The following GRID1 variants were observed in gnomAD, a reference collection of about 807,000 sequenced individuals.
The protein encoded by GRID1 is glutamate receptor ionotropic, delta-1.
Under a neutral mutation model 98.0 loss-of-function variants are expected in GRID1, and 28 were observed. That is an observed-to-expected ratio of 0.29 (90% confidence interval 0.21 to 0.39). The LOEUF is 0.39. Ranked by LOEUF, GRID1 falls within the 10% of genes least tolerant of loss-of-function variation. The pLI is 1.00. For missense variants in GRID1, 1,111 were observed against 1,340.5 expected (o/e 0.83, Z 2.67); for synonymous variants, 553 against 538.5 (o/e 1.03, Z -0.37).
chr10:86,276,805 C>T (rs1847277644), intron 2 of GRID1, among the ~76,000 whole-genome samples: 1 of 152,024 alleles, frequency 6.6e-6, no homozygotes, highest in Non-Finnish European at 1.5e-5. Context: ...TAAGATTCGA[C>T]ATCCAATTTG....
intron 15 of GRID1, among the ~76,000 whole-genome samples, chr10:85,610,816 T>C (rs1416075448): frequency 6.6e-6 from 1 of 152,196 alleles, no homozygotes. Flanking sequence ...ATTTGAAATT[T>C]GGAAACCCAT....
intron 4 of GRID1, among the ~76,000 whole-genome samples, chr10:85,919,674 G>A (rs1841674049): frequency 1.3e-5 from 2 of 152,214 alleles, no homozygotes; most frequent in African/African-American, 4.8e-5. Flanking sequence ...AACTGCAGCA[G>A]GTGGAGGCAA....
chr10:85,901,339 T>C (rs1482782627), intron 5 of GRID1, among the ~76,000 whole-genome samples: 1 of 152,060 alleles, frequency 6.6e-6, no homozygotes. Flanking sequence ...CTCTGCCTCA[T>C]GGGTTCACGC....
chr10:85,839,440 C>T (rs1487154565), intron 8 of GRID1, among the ~76,000 whole-genome samples: 1 of 152,204 alleles, frequency 6.6e-6, no homozygotes, highest in Non-Finnish European at 1.5e-5. Context: ...AACAGTCTCT[C>T]ATACCACAGT....
intron 2 of GRID1, among the ~76,000 whole-genome samples, chr10:86,232,981 T>C (rs1846480033): frequency 2.0e-5 from 3 of 152,176 alleles, no homozygotes; most frequent in Admixed American, 2.0e-4. Context: ...AATGCTTGGC[T>C]CTGATAAATA....
intron 4 of GRID1, among the ~76,000 whole-genome samples, chr10:86,078,360 A>G (rs1235668655): frequency 6.6e-6 from 1 of 152,170 alleles, no homozygotes; most frequent in Non-Finnish European, 1.5e-5. Context: ...TTTATTGCAA[A>G]GTGTGAAATC....
intron 4 of GRID1, among the ~76,000 whole-genome samples, chr10:86,109,151 C>T (rs1844438987): frequency 6.6e-6 from 1 of 152,214 alleles, no homozygotes; most frequent in Non-Finnish European, 1.5e-5. Context: ...TATGTATCTG[C>T]TCTCCTGTTT....
At chr10:86,216,791 G>A (rs1435531174) in intron 2 of GRID1, among the ~76,000 whole-genome samples, 2 of 152,152 alleles carry the variant, frequency 1.3e-5, no homozygotes, top group Non-Finnish European at 2.9e-5. Flanking sequence ...CAGAGAGGGT[G>A]GAGACTTGGG....
intron 4 of GRID1, among the ~76,000 whole-genome samples, chr10:85,953,100 C>A (rs547360071): frequency 6.6e-6 from 1 of 151,872 alleles, no homozygotes. Context: ...CAACAGTAAC[C>A]TATTCATAGT....
chr10:85,834,528 T>C (rs1396730780), intron 8 of GRID1, among the ~76,000 whole-genome samples: 1 of 152,150 alleles, frequency 6.6e-6, no homozygotes, highest in Non-Finnish European at 1.5e-5. Context: ...ACAACAGAAA[T>C]ATGAGTATAT....
intron 8 of GRID1, among the ~76,000 whole-genome samples, chr10:85,751,605 C>T (rs770201457): frequency 1.6e-4 from 24 of 151,600 alleles, no homozygotes; most frequent in Non-Finnish European, 2.8e-4. Flanking sequence ...TTTGAGGGCC[C>T]GTATAGGTAA....
chr10:85,663,336 G>A (rs563225441), intron 12 of GRID1, among the ~76,000 whole-genome samples: 1 of 152,214 alleles, frequency 6.6e-6, no homozygotes, highest in South Asian at 2.1e-4. Flanking sequence ...CAGAGAGCAG[G>A]GTAATGCATC....
At chr10:85,975,659 G>A (rs1360385459) in intron 4 of GRID1, among the ~76,000 whole-genome samples, 5 of 152,138 alleles carry the variant, frequency 3.3e-5, no homozygotes, top group Non-Finnish European at 5.9e-5. Flanking sequence ...AACTTTTGGA[G>A]ACTGACTCTT....
intron 8 of GRID1, among the ~76,000 whole-genome samples, chr10:85,766,699 AT>A (rs1842200567): frequency 6.7e-6 from 1 of 149,634 alleles, no homozygotes; most frequent in Non-Finnish European, 1.5e-5. Context: ...CAGGGGAGAA[AT>A]TATTATGGAA....
At chr10:86,228,757 G>C (rs992155366) in intron 2 of GRID1, among the ~76,000 whole-genome samples, 1 of 152,160 alleles carries the variant, frequency 6.6e-6, no homozygotes, top group Non-Finnish European at 1.5e-5. Flanking sequence ...TCAGGGAGCT[G>C]GGTCACCCCT....
intron 15 of GRID1, among the ~76,000 whole-genome samples, chr10:85,610,706 G>A (rs1842722871): frequency 6.6e-6 from 1 of 152,208 alleles, no homozygotes; most frequent in African/African-American, 2.4e-5. Flanking sequence ...CCACATCTGT[G>A]CATGAGGAAG....
At chr10:86,136,367 G>C (rs937030342) in intron 4 of GRID1, among the ~76,000 whole-genome samples, 1 of 152,168 alleles carries the variant, frequency 6.6e-6, no homozygotes, top group African/African-American at 2.4e-5. Flanking sequence ...TATCTTCCCC[G>C]ATGAAGCCAG....
chr10:86,340,155 G>A (rs919598401), intron 2 of GRID1, among the ~76,000 whole-genome samples: 1 of 152,164 alleles, frequency 6.6e-6, no homozygotes, highest in African/African-American at 2.4e-5. Context: ...CCAAGCAGCG[G>A]AATGGAAAGC....
intron 4 of GRID1, among the ~76,000 whole-genome samples, chr10:85,986,178 G>A (rs1301464609): frequency 6.6e-6 from 1 of 152,236 alleles, no homozygotes. Flanking sequence ...ATGCATAAAT[G>A]TACGCTAAGA....
Sources: gnomAD v4.1 joint callset for allele counts (sites outside exome capture counted in the v4.1 genomes callset) on GRCh38, gnomAD v4.1.1 for gene constraint, MANE v1.5 for transcripts, NCBI Gene and HGNC (gene_info 2026-07-23, HGNC 2026-07-21) for gene names.